SMOC2: variants seen among roughly 807,000 people sequenced by gnomAD.
SMOC2 encodes the protein SPARC related modular calcium binding 2.
In SMOC2, 39 loss-of-function variants were observed where a neutral mutation model predicts 61.4. The observed-to-expected ratio is 0.64, with a 90% CI of 0.49 to 0.83. The LOEUF is 0.83. SMOC2 is among the 40% of genes least tolerant of loss of function. SMOC2 has a pLI of 0.00. For synonymous variants in SMOC2, 247 were observed against 239.9 expected, an observed-to-expected ratio of 1.03 and a Z score of -0.27; for missense variants, 556 against 592.9, an observed-to-expected ratio of 0.94 and a Z score of 0.65.
intron 9 of SMOC2, among the ~76,000 whole-genome samples, chr6:168,629,097 G>T (rs143498595): frequency 3.5e-4 from 53 of 152,368 alleles, no homozygotes; most frequent in African/African-American, 1.2e-3. Context: ...CTCGAGCTCC[G>T]AGAGGAGGCT....
At chr6:168,451,721 G>C (rs942142863) in intron 1 of SMOC2, among the ~76,000 whole-genome samples, 1 of 151,992 alleles carries the variant, frequency 6.6e-6, no homozygotes, top group Non-Finnish European at 1.5e-5. Flanking sequence ...ATACACGTCC[G>C]TTAAGTTCTT....
At chr6:168,542,369 G>C (rs889446777) in intron 4 of SMOC2, among the ~76,000 whole-genome samples, 1 of 152,336 alleles carries the variant, frequency 6.6e-6, no homozygotes, top group Non-Finnish European at 1.5e-5. Context: ...TAACAGCTGG[G>C]AAAGAGAGAA....
chr6:168,616,708 A>T (rs1244609793), intron 9 of SMOC2, among the ~76,000 whole-genome samples: 1 of 152,274 alleles, frequency 6.6e-6, no homozygotes, highest in Non-Finnish European at 1.5e-5. Flanking sequence ...CCATTAAATC[A>T]GTTTTATTGA....
At chr6:168,511,333 G>A (rs1783003178) in intron 2 of SMOC2, among the ~76,000 whole-genome samples, 1 of 152,166 alleles carries the variant, frequency 6.6e-6, no homozygotes, top group East Asian at 1.9e-4. Context: ...TTACAATCAT[G>A]GCAGAAGGGG....
chr6:168,532,295 A>T (rs1000136769), intron 4 of SMOC2, among the ~76,000 whole-genome samples: 1 of 152,188 alleles, frequency 6.6e-6, no homozygotes, highest in Non-Finnish European at 1.5e-5. Context: ...CAGGGTTCAC[A>T]CTACATAACA....
intron 11 of SMOC2, among the ~76,000 whole-genome samples, chr6:168,657,750 C>G (rs1367651679): frequency 6.6e-6 from 1 of 152,070 alleles, no homozygotes; most frequent in Non-Finnish European, 1.5e-5. Flanking sequence ...TGTGTCATCC[C>G]CAAATAGAAG....
chr6:168,592,718 T>C (rs1342718461), intron 7 of SMOC2, among the ~76,000 whole-genome samples: 2 of 50,074 alleles, frequency 4.0e-5, no homozygotes, highest in Non-Finnish European at 8.6e-5. Flanking sequence ...TCCTCCTCCT[T>C]CCTGAGGCCT....
chr6:168,606,167 C>T (rs1243760787), intron 8 of SMOC2, among the ~76,000 whole-genome samples: 1 of 152,156 alleles, frequency 6.6e-6, no homozygotes, highest in Non-Finnish European at 1.5e-5. Context: ...TTTTACTTCT[C>T]ACCTGCTGGC....
intron 7 of SMOC2, among the ~76,000 whole-genome samples, chr6:168,571,184 G>GAATACATCTT (rs1000779579): frequency 9.0e-4 from 137 of 152,332 alleles, no homozygotes; most frequent in African/African-American, 3.2e-3. Flanking sequence ...AATGGCAGTT[G>GAATACATCTT]AATACATCTT....
At chr6:168,546,734 C>T (rs570511575) in intron 5 of SMOC2, among the ~76,000 whole-genome samples, 2 of 152,188 alleles carry the variant, frequency 1.3e-5, no homozygotes, top group Admixed American at 6.5e-5. Flanking sequence ...CCCTGCCAAG[C>T]CCTCTTTTGT....
rs1160975960 is a variant in SMOC2 at position 168,633,438 on chromosome 6, G to A, written c.908-17243G>A. 2.0e-5 allele frequency among the ~76,000 whole-genome samples: 3 copies of A among 152,148 alleles called. No individual in the cohort carries two copies. In the East Asian group the frequency reaches 5.8e-4, roughly 29 times the overall value. ...CCTGCACATGGCTCGCTGCACACCG[G>A]CTTTGCCACATGGACTCCAGAGCTG... On this transcript the variant is annotated intron_variant, in intron 9 of 12. Transcript: ENST00000356284.
intron 10 of SMOC2, 81 bp from the exon 11 acceptor site, chr6:168,652,873 A>C: frequency 1.5e-6 from 2 of 1,374,926 alleles, no homozygotes; most frequent in South Asian, 2.7e-5. Flanking sequence ...AGCAGGGGTT[A>C]TGGGTTTGAG....
rs758657214 is a variant in SMOC2, at chr6:168,598,867, G to A, written c.687G>A (p.Gln229=). 1.2e-6 allele frequency: 2 copies of A among 1,613,884 alleles called. No individual in the cohort carries two copies. The highest frequency in any genetic ancestry group is 3.3e-5 in the Admixed American group (2 of 60,000). Residue 229 remains glutamine, a synonymous_variant, in exon 8 of 13, where the codon CAG becomes CAA. Coordinates refer to ENST00000356284, the MANE Select transcript of SMOC2 (RefSeq NM_001166412.2). ...EHQSALEEAK[Q]PKNDNVVIPE... ...AGTCTGCCCTGGAGGAAGCCAAGCA[G>A]CCCAAGAACGACAATGTGGTGATCC... is the stretch of plus-strand genomic sequence containing the variant.
intron 1 of SMOC2, among the ~76,000 whole-genome samples, chr6:168,456,828 G>T (rs1032572560): frequency 1.3e-5 from 2 of 152,166 alleles, no homozygotes; most frequent in Non-Finnish European, 2.9e-5. Flanking sequence ...CACTGTGAGG[G>T]CAGGAAGAAG....
intron 1 of SMOC2, among the ~76,000 whole-genome samples, chr6:168,494,951 C>T (rs917167044): frequency 3.9e-5 from 6 of 152,190 alleles, no homozygotes; most frequent in East Asian, 1.9e-4. Flanking sequence ...TCCCTTGGGC[C>T]GGGGTGTGCT....
chr6:168,526,244 C>A, intron 2 of SMOC2, 102 bp from the exon 3 acceptor site: 1 of 1,037,530 alleles, frequency 9.6e-7, no homozygotes, highest in Non-Finnish European at 1.5e-6. Context: ...AGGTCCTCAG[C>A]ACTCCTGCCT....
At chr6:168,637,900 G>T (rs1020459746) in intron 9 of SMOC2, among the ~76,000 whole-genome samples, 52 of 152,102 alleles carry the variant, frequency 3.4e-4, no homozygotes, top group African/African-American at 1.2e-3. Context: ...GTTTCCCAGG[G>T]CGTGCTGTAT....
intron 7 of SMOC2, among the ~76,000 whole-genome samples, chr6:168,587,578 G>A (rs1583135202): frequency 2.0e-5 from 3 of 152,206 alleles, no homozygotes; most frequent in African/African-American, 7.2e-5. Flanking sequence ...ACGTACATCT[G>A]AGAGGAGGAT....
chr6:168,625,498 C>T (rs1786382168), intron 9 of SMOC2, among the ~76,000 whole-genome samples: 2 of 152,224 alleles, frequency 1.3e-5, no homozygotes, highest in Admixed American at 1.3e-4. Context: ...ATTCGAGTTT[C>T]TTTTTATCGT....
Sources: gnomAD v4.1 joint callset for allele counts (sites outside exome capture counted in the v4.1 genomes callset) on GRCh38, gnomAD v4.1.1 for gene constraint, MANE v1.5 for transcripts, NCBI Gene and HGNC (gene_info 2026-07-23, HGNC 2026-07-21) for gene names.